KIF16B: variants seen among roughly 807,000 people sequenced by gnomAD.
The protein encoded by KIF16B is kinesin-like protein KIF16B.
A neutral mutation model predicts 156.3 loss-of-function variants in KIF16B; 98 were observed. That is an observed-to-expected ratio of 0.63 (90% CI 0.53 to 0.74). The LOEUF is 0.74. KIF16B is among the 30% of genes least tolerant of loss of function. KIF16B has a pLI of 0.00. For synonymous variants in KIF16B, 564 were observed against 583.7 expected (o/e 0.97, Z 0.49); for missense variants, 1,421 against 1,606.5 (o/e 0.88, Z 1.97).
chr20:16,294,270 C>T (rs539198334), intron 25 of KIF16B, among the ~76,000 whole-genome samples: 3 of 152,270 alleles, frequency 2.0e-5, no homozygotes, highest in East Asian at 3.9e-4. Context: ...ACATGCCCAA[C>T]CACCCCATGA....
At chr20:16,303,611 T>C (rs2063502094) in intron 25 of KIF16B, among the ~76,000 whole-genome samples, 1 of 152,236 alleles carries the variant, frequency 6.6e-6, no homozygotes. Flanking sequence ...AACACGGTTT[T>C]AACTGGACAC....
intron 12 of KIF16B, among the ~76,000 whole-genome samples, chr20:16,433,600 GAGAC>G (rs2066563319): frequency 6.7e-6 from 1 of 149,902 alleles, no homozygotes; most frequent in African/African-American, 2.5e-5. Context: ...CACACACACA[GAGAC>G]ACACACACTC....
chr20:16,495,723 A>G (rs76865709), intron 11 of KIF16B, among the ~76,000 whole-genome samples: 3 of 151,914 alleles, frequency 2.0e-5, no homozygotes, highest in Non-Finnish European at 2.9e-5. Context: ...GGGGTCTCAC[A>G]CTGTTGCCTG....
chr20:16,293,604 GA>G (rs1568822348), intron 25 of KIF16B, among the ~76,000 whole-genome samples: 1 of 152,108 alleles, frequency 6.6e-6, no homozygotes, highest in Non-Finnish European at 1.5e-5. Context: ...GGAAGCAGGC[GA>G]AACAATTCAA....
intron 15 of KIF16B, among the ~76,000 whole-genome samples, chr20:16,424,695 T>G (rs531305333): frequency 6.6e-6 from 1 of 152,186 alleles, no homozygotes; most frequent in East Asian, 1.9e-4. Context: ...TGGCATGGGC[T>G]GAGAAAAGTT....
chr20:16,414,642 C>T (rs1052517946), intron 15 of KIF16B, among the ~76,000 whole-genome samples: 2 of 152,026 alleles, frequency 1.3e-5, no homozygotes, highest in African/African-American at 4.8e-5. Flanking sequence ...ATGATTTGCC[C>T]AACTGTGTGC....
intron 12 of KIF16B, among the ~76,000 whole-genome samples, chr20:16,434,754 A>G (rs978173155): frequency 2.0e-5 from 3 of 152,166 alleles, no homozygotes; most frequent in Non-Finnish European, 4.4e-5. Context: ...AACAGACAAG[A>G]ATGAAATGTC....
intron 12 of KIF16B, among the ~76,000 whole-genome samples, chr20:16,433,973 A>G (rs1464838478): frequency 2.6e-5 from 4 of 152,150 alleles, no homozygotes; most frequent in Admixed American, 2.6e-4. Context: ...AACTCCAGAC[A>G]CAGGGTCCCA....
chr20:16,363,116 T>C (rs2064582920), intron 22 of KIF16B, among the ~76,000 whole-genome samples: 1 of 152,184 alleles, frequency 6.6e-6, no homozygotes, highest in Admixed American at 6.5e-5. Context: ...GAGGCAGATA[T>C]ATGAGAAGTG....
intron 3 of KIF16B, among the ~76,000 whole-genome samples, chr20:16,518,318 G>C (rs531935373): frequency 1.3e-5 from 2 of 152,150 alleles, no homozygotes; most frequent in African/African-American, 4.8e-5. Flanking sequence ...GGTGGGAAGC[G>C]GGGCCTGCTT....
intron 4 of KIF16B, among the ~76,000 whole-genome samples, chr20:16,515,056 C>T (rs982552362): frequency 9.9e-5 from 15 of 151,846 alleles, no homozygotes; most frequent in East Asian, 7.7e-4. Flanking sequence ...AAACTGCATA[C>T]GGTGTGTTTA....
chr20:16,421,362 T>C (rs1296169331), intron 15 of KIF16B, among the ~76,000 whole-genome samples: 1 of 152,128 alleles, frequency 6.6e-6, no homozygotes, highest in Non-Finnish European at 1.5e-5. Flanking sequence ...GAAAATCCTT[T>C]TGTAGCTCCA....
chr20:16,429,536 T>C (rs1394571559), intron 13 of KIF16B, among the ~76,000 whole-genome samples: 5 of 152,148 alleles, frequency 3.3e-5, no homozygotes, highest in South Asian at 2.1e-4. Context: ...ACCAGGAAAC[T>C]GTACATACAA....
At chr20:16,564,795 C>T (rs987945055) in intron 1 of KIF16B, among the ~76,000 whole-genome samples, 3 of 152,204 alleles carry the variant, frequency 2.0e-5, no homozygotes, top group African/African-American at 4.8e-5. Flanking sequence ...CCTCCAATGC[C>T]CTCACAGCCC....
At chr20:16,549,282 T>G (rs2070544170) in intron 1 of KIF16B, among the ~76,000 whole-genome samples, 1 of 149,940 alleles carries the variant, frequency 6.7e-6, no homozygotes. Context: ...TGAGTGAGAA[T>G]ATGCGGTGTT....
intron 15 of KIF16B, among the ~76,000 whole-genome samples, chr20:16,415,412 G>A (rs1167832726): frequency 6.6e-6 from 1 of 151,970 alleles, no homozygotes; most frequent in African/African-American, 2.4e-5. Context: ...CCTTCCTTCA[G>A]CTCCCAAAGT....
At chr20:16,569,601 A>G (rs911339206) in intron 1 of KIF16B, among the ~76,000 whole-genome samples, 4 of 152,092 alleles carry the variant, frequency 2.6e-5, no homozygotes, top group African/African-American at 9.7e-5. Context: ...ATACTCCACC[A>G]CCAGCAGTCC....
At chr20:16,524,286 G>A (rs1022311138) in intron 3 of KIF16B, among the ~76,000 whole-genome samples, 3 of 151,986 alleles carry the variant, frequency 2.0e-5, no homozygotes, top group Admixed American at 2.0e-4. Flanking sequence ...CTGACAAAGG[G>A]CTAATATCCA....
chr20:16,314,298 A>T (rs1443606566), intron 24 of KIF16B, among the ~76,000 whole-genome samples: 1 of 152,214 alleles, frequency 6.6e-6, no homozygotes, highest in African/African-American at 2.4e-5. Flanking sequence ...AGTAAGAATA[A>T]TTCTCCCTTT....
Sources: gnomAD v4.1 joint callset for allele counts (sites outside exome capture counted in the v4.1 genomes callset) on GRCh38, gnomAD v4.1.1 for gene constraint, MANE v1.5 for transcripts, NCBI Gene and HGNC (gene_info 2026-07-23, HGNC 2026-07-21) for gene names.